FRMPD3: variants seen among roughly 807,000 people sequenced by gnomAD.
FRMPD3 encodes FERM and PDZ domain-containing protein 3.
A neutral mutation model predicts 97.9 loss-of-function variants in FRMPD3; 42 were observed. That is an observed-to-expected ratio of 0.43 (90% confidence interval 0.34 to 0.55). The LOEUF (loss-of-function observed/expected upper bound fraction) is 0.55, where lower values mean the gene tolerates loss of function less well. FRMPD3 is among the 20% of genes least tolerant of loss of function. The probability of loss-of-function intolerance (pLI) is 0.03; values close to 1 mark genes in which losing one functional copy is unlikely to be tolerated. For synonymous variants in FRMPD3, 577 were observed against 581.1 expected, an observed-to-expected ratio of 0.99 and a Z score of 0.10; for missense variants, 1,303 against 1,457.7, an observed-to-expected ratio of 0.89 and a Z score of 1.73.
intron 1 of FRMPD3, among the ~76,000 whole-genome samples, chrX:107,456,414 A>G (rs1051444132): frequency 5.4e-5 from 6 of 111,878 alleles, no homozygotes; most frequent in Non-Finnish European, 1.1e-4. Flanking sequence ...CATACTCATT[A>G]TCCACATTAA....
chrX:107,602,168 G>A lies in FRMPD3; in HGVS notation c.4129G>A (p.Ala1377Thr), dbSNP rs747181050. Residue 1377 changes from alanine to threonine, a missense_variant, in exon 15 of 15, where the codon GCC becomes ACC. Physicochemically the swap from Ala to Thr is moderately conservative, Grantham distance 58. Coordinates refer to ENST00000683843, the MANE Select transcript of FRMPD3 (RefSeq NM_001388459.1). ...TGGTGTTTCGTGCCTGACCACGTGTGCCTCGGGGGGCGAGTGTCTGGGAGC... is the reference window on the plus strand; with the variant it reads ...TGGTGTTTCGTGCCTGACCACGTGTACCTCGGGGGGCGAGTGTCTGGGAGC... The part of the protein sequence containing the change: ...ESGVSCLTTC[A>T]SGGECLGAPN... The A allele has an allele frequency of 2.5e-6, 3 of 1,210,988 alleles. No homozygotes were observed. Among genetic ancestry groups the A allele is most frequent in the South Asian group, 3.5e-5 (2 of 56,943 alleles).
At chrX:107,506,031 G>T (rs767423814) in intron 1 of FRMPD3, among the ~76,000 whole-genome samples, 41 of 112,126 alleles carry the variant, frequency 3.7e-4, no homozygotes, top group African/African-American at 1.3e-3. Context: ...GCTCCTTTAG[G>T]ACTGCTGCAC....
chrX:107,503,953 C>T (rs769388801), intron 1 of FRMPD3, among the ~76,000 whole-genome samples: 1 of 112,565 alleles, frequency 8.9e-6, no homozygotes, highest in Non-Finnish European at 1.9e-5. Flanking sequence ...CCCAGGAGAC[C>T]GCACAGTGAC....
intron 12 of FRMPD3, among the ~76,000 whole-genome samples, chrX:107,572,731 C>A (rs1365619359): frequency 9.2e-6 from 1 of 108,883 alleles, no homozygotes; most frequent in Non-Finnish European, 1.9e-5. Context: ...GAGTGAGACT[C>A]TGTCTCAAAA....
chrX:107,526,320 T>C (rs1922694548), intron 1 of FRMPD3, among the ~76,000 whole-genome samples: 1 of 111,516 alleles, frequency 9.0e-6, no homozygotes, highest in African/African-American at 3.3e-5. Flanking sequence ...AGGAAGGGTC[T>C]GACTCTAATT....
At chrX:107,521,949 C>T (rs1312894780) in intron 1 of FRMPD3, among the ~76,000 whole-genome samples, 1 of 112,390 alleles carries the variant, frequency 8.9e-6, no homozygotes, top group African/African-American at 3.2e-5. Context: ...CTTCTCGGTT[C>T]ATTTGTCCTT....
In FRMPD3 at chrX:107,550,032, T is replaced by C; in HGVS notation, c.403-17T>C. 1 of 1,088,646 alleles carries C rather than the reference T, an allele frequency of 9.2e-7. No homozygotes were observed. Among genetic ancestry groups the C allele is most frequent in the Non-Finnish European group, 1.3e-6 (1 of 788,064 alleles). 89.7% of individuals were successfully genotyped at this position (1,088,646 alleles called of 1,213,427 possible). Reference sequence around the variant, plus strand: ...TAAATGAGCCGGTCTCCTTGTCCTTTCCCTGCTTGTTCACAGAAAATGATG... The same window carrying C: ...TAAATGAGCCGGTCTCCTTGTCCTTCCCCTGCTTGTTCACAGAAAATGATG... On this transcript the variant is annotated splice_polypyrimidine_tract_variant and intron_variant, in intron 5 of 14. Transcript: ENST00000683843.
chrX:107,530,955 G>C (rs1303314065), intron 3 of FRMPD3, among the ~76,000 whole-genome samples: 1 of 111,084 alleles, frequency 9.0e-6, no homozygotes, highest in Non-Finnish European at 1.9e-5. Context: ...TTGAGGAAGA[G>C]AACCTCCCAA....
intron 1 of FRMPD3, among the ~76,000 whole-genome samples, chrX:107,479,900 T>G (rs896547297): frequency 5.5e-5 from 6 of 108,334 alleles, no homozygotes; most frequent in African/African-American, 2.0e-4. Flanking sequence ...TGGCCAAAAT[T>G]TTAATAAATG....
chrX:107,543,912 C>G (rs1921449653), intron 4 of FRMPD3, among the ~76,000 whole-genome samples: 1 of 110,956 alleles, frequency 9.0e-6, no homozygotes, highest in South Asian at 3.8e-4. Flanking sequence ...AAAGAGCCAT[C>G]TGCATTCCCA....
chrX:107,459,791 T>C (rs1931434388), intron 1 of FRMPD3, among the ~76,000 whole-genome samples: 1 of 111,843 alleles, frequency 8.9e-6, no homozygotes, highest in African/African-American at 3.2e-5. Flanking sequence ...TTCTCCTTGC[T>C]TCTGATCCAA....
At chrX:107,492,279 C>T (rs1210663191) in intron 1 of FRMPD3, among the ~76,000 whole-genome samples, 1 of 111,653 alleles carries the variant, frequency 9.0e-6, no homozygotes, top group African/African-American at 3.3e-5. Context: ...TCACAGCCCT[C>T]GCATCCCTAT....
At chrX:107,515,932 A>T (rs192524834) in intron 1 of FRMPD3, among the ~76,000 whole-genome samples, 1,723 of 110,474 alleles carry the variant, frequency 0.016, 44 homozygotes, top group African/African-American at 0.054. Context: ...CGTGCAGGTT[A>T]GTTACATATG....
chrX:107,470,573 GTCTTGGAAGTTATATCCCA>G (rs914398415), intron 1 of FRMPD3, among the ~76,000 whole-genome samples: 1 of 112,299 alleles, frequency 8.9e-6, no homozygotes, highest in Admixed American at 9.4e-5. Context: ...TTATAACCTT[GTCTTGGAAGTTATATCCCA>G]TCACTTCTGC....
Position 107,539,542 on chromosome X carries a change from G to C in FRMPD3, c.297+5992G>C, listed in dbSNP as rs939850863. ...AGTTTTCTGGTTCTGAAAACAGCCT[G>C]TACTTAAAGAACTGGAATCCCTTCT... On this transcript the variant is annotated intron_variant, in intron 4 of 14. Coordinates refer to ENST00000683843, the MANE Select transcript of FRMPD3 (RefSeq NM_001388459.1). 6.3e-5 allele frequency among the ~76,000 whole-genome samples: 7 copies of C among 110,511 alleles called. 1 individual carries two copies. In the Admixed American group the frequency reaches 6.8e-4, roughly 11 times the overall value.
At chrX:107,459,236 G>A (rs908139377) in intron 1 of FRMPD3, among the ~76,000 whole-genome samples, 1 of 112,527 alleles carries the variant, frequency 8.9e-6, no homozygotes, top group Non-Finnish European at 1.9e-5. Flanking sequence ...CGATGCCTGT[G>A]TCTGGTCTGT....
chrX:107,542,587 G>A (rs745426376), intron 4 of FRMPD3, among the ~76,000 whole-genome samples: 4 of 111,847 alleles, frequency 3.6e-5, no homozygotes, highest in Non-Finnish European at 5.6e-5. Context: ...GGTGAAAGAA[G>A]TGGTTTTTTG....
intron 13 of FRMPD3, among the ~76,000 whole-genome samples, chrX:107,589,584 C>G (rs1240046518): frequency 9.0e-6 from 1 of 111,133 alleles, no homozygotes; most frequent in African/African-American, 3.3e-5. Context: ...ATGTTGGTTG[C>G]CGTTAAAGGA....
chrX:107,529,897 G>T (rs774835317), intron 2 of FRMPD3, among the ~76,000 whole-genome samples: 1 of 111,728 alleles, frequency 9.0e-6, no homozygotes, highest in African/African-American at 3.3e-5. Context: ...GGAAGTCTGC[G>T]TTCCTCATTA....
Sources: gnomAD v4.1 joint callset for allele counts (sites outside exome capture counted in the v4.1 genomes callset) on GRCh38, gnomAD v4.1.1 for gene constraint, MANE v1.5 for transcripts, NCBI Gene and HGNC (gene_info 2026-07-23, HGNC 2026-07-21) for gene names.